The following SPTBN4 variants were observed in gnomAD, a reference collection of about 807,000 sequenced individuals.
SPTBN4 encodes the protein spectrin beta, non-erythrocytic 4.
Under a neutral mutation model 277.8 loss-of-function variants are expected in SPTBN4, and 96 were observed. The ratio of observed to expected loss-of-function variants is 0.35; its 90% confidence interval spans 0.29 to 0.41. The LOEUF (loss-of-function observed/expected upper bound fraction) is 0.41, where lower values mean the gene tolerates loss of function less well. Ranked by LOEUF, SPTBN4 falls within the 10% of genes least tolerant of loss-of-function variation. The probability of loss-of-function intolerance (pLI) is 1.00; values close to 1 mark genes in which losing one functional copy is unlikely to be tolerated. For synonymous variants in SPTBN4, 1,481 were observed against 1,580.3 expected, an observed-to-expected ratio of 0.94 and a Z score of 1.49; for missense variants, 3,006 against 3,595.7, an observed-to-expected ratio of 0.84 and a Z score of 4.19.
At chr19:40,573,414 G>C (rs1447970633) in intron 35 of SPTBN4, among the ~76,000 whole-genome samples, 5 of 152,220 alleles carry the variant, frequency 3.3e-5, no homozygotes, top group Non-Finnish European at 4.4e-5. Context: ...CAGAGTTCAT[G>C]GAAGAAGGTC....
Position 40,568,108 on chromosome 19 carries a change from C to A in SPTBN4, c.6782C>A (p.Ala2261Asp), listed in dbSNP as rs766001025. 3 of 1,569,704 alleles carry A rather than the reference C, an allele frequency of 1.9e-6. No homozygotes were observed. The highest frequency in any genetic ancestry group is 4.7e-5 in the East Asian group (2 of 42,782). Residue 2261 changes from alanine (A) to aspartate (D), a missense_variant, in exon 31 of 36, where the codon GCT (alanine) becomes GAT (aspartate). By Grantham distance (126) the Ala-to-Asp change is moderately radical. Around this residue, in one of 5 missense-constraint regions of SPTBN4, gnomAD observed 630 missense variants for 677.6 expected, o/e 0.93. Transcript: ENST00000598249. ...GAGTCAGTCGATCAATCCGAGGAGG[C>A]TGCGCGGAGGCGGCGGCCGGAGCGG... ...RQESVDQSEEAARRRRPERQE... is the reference protein window; with the variant it reads ...RQESVDQSEEDARRRRPERQE...
chr19:40,489,017 T>C (rs1481377295), intron 3 of SPTBN4, among the ~76,000 whole-genome samples: 3 of 151,396 alleles, frequency 2.0e-5, no homozygotes, highest in Non-Finnish European at 2.9e-5. Context: ...GAGACCCGTT[T>C]CTACAAAAAA....
rs966782255 is a variant in SPTBN4 at position 40,519,662 on chromosome 19, G to A, written c.3165G>A (p.Gln1055=). The A allele has an allele frequency of 2.1e-5, 29 of 1,393,942 alleles. No individual in the cohort carries two copies. Among genetic ancestry groups the A allele is most frequent in the Non-Finnish European group, 2.3e-5 (25 of 1,085,634 alleles). The allele number at this position is 1,393,942 out of a possible 1,614,324, so 86.3% of individuals were successfully genotyped here. A position where few individuals can be genotyped will look rare whatever the true frequency, so the allele number is the denominator to read the frequency against. ...TGCTGGCTGAGCGCTTCCCGGCGCA[G>A]GCGGCGCGGCTGCACCAGGGCGCGG... ...AALLAERFPA[Q]AARLHQGAEE... The change falls in exon 16 of 36, where the codon CAG becomes CAA. Residue 1055 remains glutamine, a synonymous_variant. Transcript: ENST00000598249. This position sits in a 1 kb window ranked among gnomAD's most constrained non-coding sequence, Gnocchi z 5.7.
chr19:40,498,724 C>CG (rs1401992081), intron 7 of SPTBN4, among the ~76,000 whole-genome samples: 2 of 126,632 alleles, frequency 1.6e-5, no homozygotes, highest in Non-Finnish European at 3.4e-5. Flanking sequence ...ATTTTTGAGA[C>CG]GGGGTCTGGC....
Position 40,565,457 on chromosome 19 carries a change from C to T in SPTBN4, c.5950C>T (p.His1984Tyr). The change falls in exon 28 of 36, where the codon CAC becomes TAC. Residue 1984 changes from histidine to tyrosine, a missense_variant. By Grantham distance (83) the His-to-Tyr change is moderately conservative (BLOSUM62 2). Around this residue, in one of 5 missense-constraint regions of SPTBN4, gnomAD observed 425 missense variants for 594.7 expected, o/e 0.71. Coordinates refer to ENST00000598249, the MANE Select transcript of SPTBN4 (RefSeq NM_020971.3). Reference sequence around the variant, plus strand: ...ATCAGTGGAGGTGCTCATGAACTACCACCAGGGCCTGAAGACTGAGCTGGA... The same window carrying T: ...ATCAGTGGAGGTGCTCATGAACTACTACCAGGGCCTGAAGACTGAGCTGGA... The part of the protein sequence containing the change: ...VSSVEVLMNY[H>Y]QGLKTELEAR... 1.2e-6 allele frequency: 2 copies of T among 1,614,056 alleles called. No homozygotes were observed. Among genetic ancestry groups the T allele is most frequent in the Non-Finnish European group, 1.7e-6 (2 of 1,179,986 alleles).
At chr19:40,521,269 A>AT (rs923644055) in intron 16 of SPTBN4, among the ~76,000 whole-genome samples, 1 of 152,150 alleles carries the variant, frequency 6.6e-6, no homozygotes, top group African/African-American at 2.4e-5. Context: ...CTGGAAGACA[A>AT]TTTTTTCCAC....
At chr19:40,535,218 G>C (rs1018450144) in intron 20 of SPTBN4, among the ~76,000 whole-genome samples, 3 of 152,014 alleles carry the variant, frequency 2.0e-5, no homozygotes, top group Non-Finnish European at 4.4e-5. Flanking sequence ...ACCACGTCTG[G>C]ATAATCTTTT....
chr19:40,509,094 T>C (rs2080362226), intron 13 of SPTBN4, among the ~76,000 whole-genome samples: 1 of 149,918 alleles, frequency 6.7e-6, no homozygotes. Flanking sequence ...GCTTTTTTTT[T>C]TTTTTTTTTT....
chr19:40,530,025 T>A (rs1406955125), intron 18 of SPTBN4, among the ~76,000 whole-genome samples: 2 of 152,054 alleles, frequency 1.3e-5, no homozygotes, highest in Non-Finnish European at 2.9e-5. Flanking sequence ...CCCCCATAAC[T>A]GGGGTAGGCC....
chr19:40,506,980 T>C (rs2080338016), intron 13 of SPTBN4, among the ~76,000 whole-genome samples: 1 of 151,456 alleles, frequency 6.6e-6, no homozygotes, highest in African/African-American at 2.4e-5. Flanking sequence ...TGAGATCTTG[T>C]CTCTTAAAAA....
intron 4 of SPTBN4, among the ~76,000 whole-genome samples, chr19:40,491,113 G>A (rs1162132811): frequency 6.6e-6 from 1 of 152,154 alleles, no homozygotes; most frequent in Non-Finnish European, 1.5e-5. Context: ...AATGTCAGTT[G>A]GTGGTGTTGA....
At chr19:40,552,489 AAAG>A (rs2080929945) in intron 22 of SPTBN4, among the ~76,000 whole-genome samples, 1 of 152,006 alleles carries the variant, frequency 6.6e-6, no homozygotes. Flanking sequence ...AAAAAAAAAA[AAAG>A]ATTTACTGTG....
chr19:40,519,850 T>C lies in SPTBN4; in HGVS notation c.3353T>C (p.Leu1118Pro), dbSNP rs2080504852. Residue 1118 changes from leucine (L) to proline (P), a missense_variant, in exon 16 of 36, where the codon CTG becomes CCG. Leu to Pro is a moderately conservative substitution (Grantham distance 98, BLOSUM62 -3). This residue lies in a region of SPTBN4 where 1,759 missense variants were observed against 2,061.5 expected (regional missense o/e 0.85). Coordinates refer to ENST00000598249, the MANE Select transcript of SPTBN4 (RefSeq NM_020971.3). This position sits in a 1 kb window ranked among gnomAD's most constrained non-coding sequence, Gnocchi z 5.7. ...QEAAGGSEGP[L>P]PNSLEEADAL... ...GCGGCGGGCGGCAGCGAGGGGCCCC[T>C]GCCCAACAGCCTAGAAGAGGCGGAC... is the stretch of plus-strand genomic sequence containing the variant. 1 of 1,452,072 alleles carries C rather than the reference T, an allele frequency of 6.9e-7. No homozygotes were observed. Among genetic ancestry groups the C allele is most frequent in the Non-Finnish European group, 9.0e-7 (1 of 1,115,796 alleles). The allele number at this position is 1,452,072 out of a possible 1,614,324, so 89.9% of individuals were successfully genotyped here. A position where few individuals can be genotyped will look rare whatever the true frequency, so the allele number is the denominator to read the frequency against.
chr19:40,569,838 AC>A, intron 32 of SPTBN4, 112 bp downstream of exon 32: 2 of 1,008,868 alleles, frequency 2.0e-6, no homozygotes, highest in Non-Finnish European at 2.8e-6. Context: ...CCCTACCTGG[AC>A]CCTGCAGAGA....
At chr19:40,553,166 G>C (rs552432957) in intron 22 of SPTBN4, among the ~76,000 whole-genome samples, 1 of 152,348 alleles carries the variant, frequency 6.6e-6, no homozygotes, top group African/African-American at 2.4e-5. Flanking sequence ...CTGGCAGGTA[G>C]CAGGGTAGCA....
At chr19:40,526,483 T>G (rs1316851849) in intron 17 of SPTBN4, among the ~76,000 whole-genome samples, 1 of 151,926 alleles carries the variant, frequency 6.6e-6, no homozygotes, top group Admixed American at 6.5e-5. Context: ...TAGGTGCTGT[T>G]CTTATCTGCG....
intron 27 of SPTBN4, among the ~76,000 whole-genome samples, chr19:40,561,414 A>G (rs997142342): frequency 6.6e-6 from 1 of 152,260 alleles, no homozygotes; most frequent in African/African-American, 2.4e-5. Flanking sequence ...TGCAGCCTGC[A>G]TTCATTTACT....
chr19:40,554,470 C>CG lies in SPTBN4; in HGVS notation c.4954-41dup. ...GCGGAGGGCCTGGGGGCGCTGGAGC[C>CG]GGGGGCCGCCGCTGCCGCCTCATCG... On this transcript the variant is annotated intron_variant, in intron 23 of 35. Transcript: ENST00000598249. The surrounding 1 kb of genome is among the most constrained non-coding windows in gnomAD (Gnocchi z 5.7). 6.7e-7 allele frequency: 1 copy of CG among 1,488,670 alleles called. No homozygotes were observed. The highest frequency in any genetic ancestry group is 9.0e-7 in the Non-Finnish European group (1 of 1,115,478). 92.2% of individuals were successfully genotyped at this position (1,488,670 alleles called of 1,614,324 possible). A position where few individuals can be genotyped will look rare whatever the true frequency, so the allele number is the denominator to read the frequency against.
chr19:40,557,154 G>A lies in SPTBN4; in HGVS notation c.5421G>A (p.Glu1807=), dbSNP rs1673088. 4,315 of 1,611,470 alleles carry A rather than the reference G, an allele frequency of 2.7e-3. 124 individuals carry two copies. The African/African-American group carries it at 0.052, about 19-fold the overall frequency. ...ATACAGCAGCGGCCACCATGGCCGA[G>A]TGGAAGGACGGACTGAACGAGGCCT... ...CGHTAAATMA[E]WKDGLNEAWA... The change falls in exon 26 of 36, where the codon GAG becomes GAA. Residue 1807 remains glutamate, a synonymous_variant. Transcript: ENST00000598249.
Sources: gnomAD v4.1 joint callset for allele counts (sites outside exome capture counted in the v4.1 genomes callset) on GRCh38, gnomAD v4.1.1 for gene constraint, gnomAD v4.1.1 regional missense constraint, Gnocchi (gnomAD v3.1) non-coding constraint, MANE v1.5 for transcripts, NCBI Gene and HGNC (gene_info 2026-07-23, HGNC 2026-07-21) for gene names.